NUDC: variants seen among roughly 807,000 people sequenced by gnomAD.
NUDC encodes the protein nuclear distribution C, dynein complex regulator, also known as nuclear migration protein nudC.
Under a neutral mutation model 45.0 loss-of-function variants are expected in NUDC, and 14 were observed. The ratio of observed to expected loss-of-function variants is 0.31; its 90% CI spans 0.21 to 0.49. NUDC has a LOEUF of 0.49. Ranked by LOEUF, NUDC falls within the 20% of genes least tolerant of loss-of-function variation. The pLI is 0.99. For missense variants in NUDC, 323 were observed against 426.2 expected (o/e 0.76, Z 2.13); for synonymous variants, 153 against 156.7 (o/e 0.98, Z 0.17).
intron 3 of NUDC, chr1:26,913,437 G>A: frequency 6.2e-7 from 1 of 1,614,116 alleles, no homozygotes; most frequent in Non-Finnish European, 8.5e-7. Context: ...TCCCTTTCAG[G>A]CAGGCATATT....
intron 1 of NUDC, 89 bp downstream of exon 1, chr1:26,922,018 A>T: frequency 7.3e-7 from 1 of 1,365,238 alleles, no homozygotes; most frequent in Non-Finnish European, 1.0e-6. Context: ...GACCCACCCC[A>T]GCGGCTCGCG....
intron 1 of NUDC, among the ~76,000 whole-genome samples, chr1:26,923,789 GAGGAA>G (rs948297386): frequency 3.9e-5 from 6 of 152,092 alleles, no homozygotes; most frequent in African/African-American, 1.4e-4. Flanking sequence ...ACTTTCTGGA[GAGGAA>G]AGCTGGGCCC....
chr1:26,935,333 C>G (rs188445026), intron 2 of NUDC, among the ~76,000 whole-genome samples: 54 of 152,250 alleles, frequency 3.5e-4, no homozygotes, highest in African/African-American at 1.3e-3. Flanking sequence ...TCCTTCATAG[C>G]AGCATGAGAA....
chr1:26,938,227 A>C (rs1456034457), intron 2 of NUDC, among the ~76,000 whole-genome samples: 1 of 152,132 alleles, frequency 6.6e-6, no homozygotes, highest in Non-Finnish European at 1.5e-5. Context: ...GGTCAGGCTG[A>C]TGGGAGGATG....
chr1:26,913,470 C>G (rs1185997483), intron 3 of NUDC: 2 of 1,614,054 alleles, frequency 1.2e-6, no homozygotes. Context: ...GCTCCAGGCT[C>G]CAGAAGGACT....
At chr1:26,929,015 G>T (rs1245838762) in intron 2 of NUDC, among the ~76,000 whole-genome samples, 5 of 152,122 alleles carry the variant, frequency 3.3e-5, no homozygotes, top group Non-Finnish European at 5.9e-5. Flanking sequence ...GGAACCAAAG[G>T]CTCCATCAGC....
rs775680543 is a variant in NUDC, at chr1:26,942,764, G to T, written c.534G>T (p.Leu178=). ...CCAATTACCGCTGGACCCAGACCCT[G>T]TCGGAGCTGGACGTGAGTGTCAGGG... ...DLPNYRWTQT[L]SELDLAVPFC... is the part of the protein sequence containing the mutation. The change falls in exon 5 of 9, where the codon CTG becomes CTT. Residue 178 remains leucine, a synonymous_variant. Transcript: ENST00000321265. The T allele has an allele frequency of 3.1e-6, 5 of 1,614,238 alleles. No individual in the cohort carries two copies. The highest frequency in any genetic ancestry group is 1.7e-5 in the Admixed American group (1 of 60,028).
At chr1:26,928,971 C>A (rs1297339033) in intron 2 of NUDC, among the ~76,000 whole-genome samples, 5 of 152,164 alleles carry the variant, frequency 3.3e-5, no homozygotes, top group Non-Finnish European at 5.9e-5. Flanking sequence ...CCCATGTTCA[C>A]AGCAGCCTTA....
chr1:26,939,224 C>T (rs1351412416), intron 2 of NUDC, among the ~76,000 whole-genome samples: 2 of 152,006 alleles, frequency 1.3e-5, no homozygotes, highest in Admixed American at 1.3e-4. Flanking sequence ...GAACTCCTGA[C>T]CTCAGGTGAT....
chr1:26,935,785 C>G (rs1484494261), intron 2 of NUDC, among the ~76,000 whole-genome samples: 1 of 151,610 alleles, frequency 6.6e-6, no homozygotes, highest in Non-Finnish European at 1.5e-5. Context: ...ACACTTTACA[C>G]TGGGTGATAG....
At chr1:26,911,500 C>A in intron 3 of NUDC, 1 of 352,982 alleles carries the variant, frequency 2.8e-6, no homozygotes, top group South Asian at 2.3e-5. Flanking sequence ...TGTTTCATAC[C>A]TTTTATTACA....
chr1:26,924,222 T>A, intron 2 of NUDC, 56 bp downstream of exon 2: 1 of 1,449,438 alleles, frequency 6.9e-7, no homozygotes, highest in Non-Finnish European at 9.7e-7. Context: ...GAAGAAAAGC[T>A]CACCTGGCCT....
chr1:26,945,557 C>T lies in NUDC; in HGVS notation c.826-11C>T, dbSNP rs776477073. 3.7e-6 allele frequency: 6 copies of T among 1,612,386 alleles called. No homozygotes were observed. In the African/African-American group the frequency reaches 8.0e-5, roughly 22 times the overall value. On this transcript the variant is annotated splice_polypyrimidine_tract_variant and intron_variant, in intron 7 of 8. Transcript: ENST00000321265. Reference sequence around the variant, plus strand: ...AGAGCTTCACCGATTCCTGTCACTGCCTGCCCTCAGCTGTCAGACCTGGAC... The same window carrying T: ...AGAGCTTCACCGATTCCTGTCACTGTCTGCCCTCAGCTGTCAGACCTGGAC...
At chr1:26,915,658 T>G (rs2124078085) in intron 3 of NUDC, among the ~76,000 whole-genome samples, 1 of 152,262 alleles carries the variant, frequency 6.6e-6, no homozygotes, top group East Asian at 1.9e-4. Context: ...TGAACCTCGA[T>G]AAGCCTCCCT....
intron 1 of NUDC, 134 bp from the exon 2 acceptor site, chr1:26,923,955 C>G: frequency 1.3e-6 from 1 of 763,934 alleles, no homozygotes; most frequent in Non-Finnish European, 2.4e-6. Context: ...GGGAGATAAT[C>G]TCCTCAGTTG....
At chr1:26,914,122 G>A (rs1214465103) in intron 3 of NUDC, among the ~76,000 whole-genome samples, 1 of 152,192 alleles carries the variant, frequency 6.6e-6, no homozygotes, top group Non-Finnish European at 1.5e-5. Flanking sequence ...AGTGGTGGGG[G>A]AGGGGGCATT....
chr1:26,941,791 C>T lies in NUDC; in HGVS notation c.402C>T (p.Asn134=), dbSNP rs145202859. 16 of 1,613,554 alleles carry T rather than the reference C, an allele frequency of 9.9e-6. No individual in the cohort carries two copies. The highest frequency in any genetic ancestry group is 6.7e-5 in the African/African-American group (5 of 75,020). The change falls in exon 4 of 9, where the codon AAC becomes AAT. Residue 134 remains asparagine, a synonymous_variant. Transcript: ENST00000321265. ...AGAATCATGAGGCCCAGCTCAAGAA[C>T]GGCAGCCTTGACTCCCCAGGGAAGC... is the stretch of plus-strand genomic sequence containing the variant. ...DAENHEAQLK[N]GSLDSPGKQD...
Position 26,941,615 on chromosome 1 carries a change from G to A in NUDC, c.318G>A (p.Glu106=). 1 of 1,612,606 alleles carries A rather than the reference G, an allele frequency of 6.2e-7. No individual in the cohort carries two copies. The highest frequency in any genetic ancestry group is 8.5e-7 in the Non-Finnish European group (1 of 1,179,360). The stretch of plus-strand genomic sequence containing the variant: ...AGACCTCAGGGCCCCAGATCAAGGA[G>A]CTAACTGATGAAGAGGCAGAGAGGC... The part of the protein sequence containing the change: ...KSETSGPQIK[E]LTDEEAERLQ... The change falls in exon 3 of 9, where the codon GAG becomes GAA. Residue 106 remains glutamate (E), a synonymous_variant. Coordinates refer to ENST00000321265, the MANE Select transcript of NUDC (RefSeq NM_006600.4).
intron 2 of NUDC, among the ~76,000 whole-genome samples, chr1:26,925,495 C>G (rs377185253): frequency 1.5e-5 from 2 of 135,938 alleles, no homozygotes; most frequent in African/African-American, 2.8e-5. Context: ...GAGCCGAGAT[C>G]GCGCCATTGC....
Sources: gnomAD v4.1 joint callset for allele counts (sites outside exome capture counted in the v4.1 genomes callset) on GRCh38, gnomAD v4.1.1 for gene constraint, MANE v1.5 for transcripts, NCBI Gene and HGNC (gene_info 2026-07-23, HGNC 2026-07-21) for gene names.